Variants in UNK observed in about 807,000 individuals in gnomAD.
The protein encoded by UNK is RING finger protein unkempt homolog.
UNK carries 32 observed loss-of-function variants against 97.6 expected under a neutral mutation model. The observed-to-expected ratio is 0.33, with a 90% CI of 0.25 to 0.44. The LOEUF (loss-of-function observed/expected upper bound fraction) is 0.44. Among genes scored for constraint, UNK ranks in the 20% least tolerant of loss-of-function variants. The probability of loss-of-function intolerance (pLI) is 1.00; values close to 1 mark genes in which losing one functional copy is unlikely to be tolerated. For synonymous variants in UNK, 441 were observed against 461.2 expected, an observed-to-expected ratio of 0.96 and a Z score of 0.56; for missense variants, 771 against 1,098.4, an observed-to-expected ratio of 0.70 and a Z score of 4.21.
chr17:75,812,414 T>C (rs1456687768), intron 3 of UNK, 41 bp from the exon 4 acceptor site: 1 of 1,595,210 alleles, frequency 6.3e-7, no homozygotes, highest in African/African-American at 1.3e-5. Flanking sequence ...TGCCCCCTCA[T>C]GCCCCCTCTC....
At chr17:75,807,700 G>A (rs376684497) in intron 1 of UNK, among the ~76,000 whole-genome samples, 1 of 152,122 alleles carries the variant, frequency 6.6e-6, no homozygotes, top group East Asian at 1.9e-4. Flanking sequence ...TGATCTGCCC[G>A]TCTTAGCCTC....
In UNK at chr17:75,820,888, T is replaced by C. The variant is rs80146676; in HGVS notation, c.1837+780T>C. ...GGGAATGAGCCCTTCAGAGTTCTGATTGGGTTTGGTGGCTTCCCTTATCTC... is the reference window on the plus strand; with the variant it reads ...GGGAATGAGCCCTTCAGAGTTCTGACTGGGTTTGGTGGCTTCCCTTATCTC... On this transcript the variant is annotated intron_variant, in intron 13 of 15. Transcript: ENST00000589666. Among the ~76,000 whole-genome samples, 1,294 of 152,222 alleles carry C rather than the reference T, an allele frequency of 8.5e-3. 17 individuals are homozygous for C. Among genetic ancestry groups the C allele is most frequent in the African/African-American group, 0.03 (1,261 of 41,536 alleles).
rs958487426 is a variant in UNK, at chr17:75,825,368, C to T, written c.*951C>T. 3 of 152,472 alleles carry T rather than the reference C, an allele frequency of 2.0e-5. No homozygotes were observed. The highest frequency in any genetic ancestry group is 4.8e-5 in the African/African-American group (2 of 41,444). 9.4% of individuals were successfully genotyped at this position (152,472 alleles called of 1,614,324 possible). A position where few individuals can be genotyped will look rare whatever the true frequency, so the allele number is the denominator to read the frequency against. On this transcript the variant is annotated 3_prime_UTR_variant, in exon 16 of 16. Coordinates refer to ENST00000589666, the MANE Select transcript of UNK (RefSeq NM_001080419.3). This position sits in a 1 kb window ranked among gnomAD's most constrained non-coding sequence, Gnocchi z 4.4. ...GCAGGGCAATTGGCGGGGAGGAGTG[C>T]GGACTGAGGACTGAGGACCAAGGGG...
chr17:75,810,533 CAT>C (rs142383302), intron 2 of UNK, among the ~76,000 whole-genome samples: 2,986 of 152,252 alleles, frequency 0.02, 35 homozygotes, highest in Non-Finnish European at 0.031. Flanking sequence ...CTGCTTGTCT[CAT>C]AGAGCCTTCC....
At chr17:75,821,720 G>A (rs77874120) in intron 13 of UNK, 2 of 456,522 alleles carry the variant, frequency 4.4e-6, no homozygotes, top group Middle Eastern at 3.2e-4. Context: ...GGCCAGAGGT[G>A]GATATGGGTC....
rs1198294066 is a variant in UNK at position 75,819,935 on chromosome 17, A to G, written c.1664A>G (p.Gln555Arg). Residue 555 changes from glutamine to arginine, a missense_variant, in exon 13 of 16, where the codon CAG becomes CGG. Around this residue, in one of 5 missense-constraint regions of UNK, gnomAD observed 91 missense variants for 173.1 expected, o/e 0.53. Transcript: ENST00000589666. This position sits in a 1 kb window ranked among gnomAD's most constrained non-coding sequence, Gnocchi z 5.4. ...GSITIGGSLL[Q>R]SSAPVNIPGS... ...TCTCTTGCAGGCGGCAGCTTGCTGC[A>G]GAGCTCTGCACCCGTGAACATCCCC... 1.9e-6 allele frequency: 3 copies of G among 1,610,986 alleles called. No homozygotes were observed. The highest frequency in any genetic ancestry group is 2.5e-6 in the Non-Finnish European group (3 of 1,178,608).
intron 1 of UNK, 98 bp from the exon 2 acceptor site, chr17:75,809,662 G>A (rs2061950531): frequency 3.0e-6 from 4 of 1,332,306 alleles, no homozygotes; most frequent in South Asian, 2.7e-5. Context: ...GCACCCCAGA[G>A]CAGGGCCCTC....
intron 1 of UNK, among the ~76,000 whole-genome samples, chr17:75,802,944 G>A (rs2061874989): frequency 7.1e-6 from 1 of 141,612 alleles, no homozygotes; most frequent in African/African-American, 2.8e-5. Context: ...GGCCAACATG[G>A]TGAAACCTCG....
rs1599389530 is a variant in UNK, at chr17:75,819,669, CTT to C, written c.1547-14_1547-13del. On this transcript the variant is annotated splice_polypyrimidine_tract_variant and intron_variant, in intron 11 of 15. Transcript: ENST00000589666. This position sits in a 1 kb window ranked among gnomAD's most constrained non-coding sequence, Gnocchi z 5.4. ...GTCCCTCGGGAGGTCACATCCCACTCTTCTCTGTCCCTAGAGTCTGCTTTGGA... is the reference window on the plus strand; with the variant it reads ...GTCCCTCGGGAGGTCACATCCCACTCCTCTGTCCCTAGAGTCTGCTTTGGA... 1 of 1,613,476 alleles carries C rather than the reference CTT, an allele frequency of 6.2e-7. No individual in the cohort carries two copies. Among genetic ancestry groups the C allele is most frequent in the African/African-American group, 1.3e-5 (1 of 75,056 alleles).
In UNK at chr17:75,818,873, C is replaced by G; in HGVS notation, c.1546+57C>G. 1 of 1,464,024 alleles carries G rather than the reference C, an allele frequency of 6.8e-7. No homozygotes were observed. Among genetic ancestry groups the G allele is most frequent in the Non-Finnish European group, 9.1e-7 (1 of 1,098,702 alleles). 90.7% of individuals were successfully genotyped at this position (1,464,024 alleles called of 1,614,324 possible). On this transcript the variant is annotated intron_variant, in intron 11 of 15. Coordinates refer to ENST00000589666, the MANE Select transcript of UNK (RefSeq NM_001080419.3). The surrounding 1 kb of genome is among the most constrained non-coding windows in gnomAD (Gnocchi z 5.1). ...GACTGGGTCTGGGGTCAGAGACCCC[C>G]CAGTCTCTGAAGCGAGTCTCAAATC...
At chr17:75,803,172 G>C (rs1264357269) in intron 1 of UNK, among the ~76,000 whole-genome samples, 1 of 119,752 alleles carries the variant, frequency 8.4e-6, no homozygotes, top group Admixed American at 7.8e-5. Flanking sequence ...GCCAAGGCGG[G>C]CACATCATGA....
At chr17:75,809,535 C>T (rs2061949337) in intron 1 of UNK, among the ~76,000 whole-genome samples, 1 of 152,268 alleles carries the variant, frequency 6.6e-6, no homozygotes, top group Non-Finnish European at 1.5e-5. Flanking sequence ...GCCGAGGTCC[C>T]TGTGGTCTGT....
chr17:75,812,821 CA>C (rs1468784707), intron 4 of UNK, among the ~76,000 whole-genome samples: 1 of 152,268 alleles, frequency 6.6e-6, no homozygotes, highest in African/African-American at 2.4e-5. Context: ...AGCGCACATG[CA>C]AATGTTTTCC....
intron 1 of UNK, among the ~76,000 whole-genome samples, chr17:75,806,241 T>G (rs35041935): frequency 0.14 from 18,184 of 127,938 alleles, 2,147 homozygotes; most frequent in East Asian, 0.42. Flanking sequence ...GGATCGCAAG[T>G]TCAGGAGATC....
At chr17:75,813,989 C>A in intron 6 of UNK, 111 bp downstream of exon 6, 1 of 941,290 alleles carries the variant, frequency 1.1e-6, no homozygotes, top group Non-Finnish European at 1.6e-6. Context: ...GGAAGAGGGA[C>A]TTGTGGCCAC....
chr17:75,822,397 C>T, intron 13 of UNK, 80 bp from the exon 14 acceptor site: 6 of 1,500,044 alleles, frequency 4.0e-6, no homozygotes, highest in Non-Finnish European at 5.4e-6. Context: ...CAGCCAGTCC[C>T]TGGAACCTCT....
chr17:75,815,902 AAAAATT>A (rs2062012096), intron 7 of UNK, among the ~76,000 whole-genome samples: 1 of 152,026 alleles, frequency 6.6e-6, no homozygotes, highest in African/African-American at 2.4e-5. Context: ...AAAAAAAAAA[AAAAATT>A]AAAAAAGAAT....
intron 1 of UNK, among the ~76,000 whole-genome samples, chr17:75,794,945 G>T (rs1050373400): frequency 3.9e-5 from 6 of 152,198 alleles, no homozygotes; most frequent in African/African-American, 1.4e-4. Flanking sequence ...ACTGCTTTCA[G>T]TTGCATTGCT....
chr17:75,824,228 A>G lies in UNK; in HGVS notation c.2278-34A>G. 1 of 1,559,526 alleles carries G rather than the reference A, an allele frequency of 6.4e-7. No individual in the cohort carries two copies. Among genetic ancestry groups the G allele is most frequent in the Non-Finnish European group, 8.7e-7 (1 of 1,149,262 alleles). ...CCTCGCTCAACTTGGGGCCAGACCCATGGATGGTGACCACGATGCCCCTTT... is the reference window on the plus strand; with the variant it reads ...CCTCGCTCAACTTGGGGCCAGACCCGTGGATGGTGACCACGATGCCCCTTT... On this transcript the variant is annotated intron_variant, in intron 15 of 15. Transcript: ENST00000589666. The surrounding 1 kb of genome is among the most constrained non-coding windows in gnomAD (Gnocchi z 4.9).
Sources: allele counts gnomAD v4.1 joint callset (sites outside exome capture counted in the v4.1 genomes callset), GRCh38; gene constraint gnomAD v4.1.1; regional missense constraint gnomAD v4.1.1; non-coding constraint Gnocchi (gnomAD v3.1); transcripts MANE v1.5; gene names NCBI Gene and HGNC (gene_info 2026-07-23, HGNC 2026-07-21).